TAL1: variants seen among roughly 807,000 people sequenced by gnomAD.
TAL1 encodes TAL bHLH transcription factor 1, erythroid differentiation factor, also known as T-cell acute lymphocytic leukemia protein 1.
In TAL1, 8 loss-of-function variants were observed where a neutral mutation model predicts 17.9. The ratio of observed to expected loss-of-function variants is 0.45; its 90% CI spans 0.26 to 0.81. The LOEUF (loss-of-function observed/expected upper bound fraction) is 0.81, where lower values mean the gene tolerates loss of function less well. TAL1 is among the 30% of genes least tolerant of loss of function. The probability of loss-of-function intolerance (pLI) is 0.17; values close to 1 mark genes in which losing one functional copy is unlikely to be tolerated. For missense variants in TAL1, 466 were observed against 486.9 expected (o/e 0.96, Z 0.40); for synonymous variants, 223 against 218.6 (o/e 1.02, Z -0.18).
At chr1:47,218,264 C>T (rs1195044454) in exon 4 of TAL1, 1 of 232,994 alleles carries the variant, frequency 4.3e-6, no homozygotes, top group Non-Finnish European at 8.5e-6. Flanking sequence ...GTCCCATGGG[C>T]TTAGATGCAG....
exon 3 of TAL1, chr1:47,224,061 T>C (rs778581414): frequency 3.1e-6 from 5 of 1,613,662 alleles, no homozygotes; most frequent in South Asian, 1.1e-5. Context: ...TTGTTGGTGG[T>C]GAACATAGGG....
intron 1 of TAL1, chr1:47,228,691 C>T (rs554513736): frequency 6.0e-5 from 10 of 167,948 alleles, no homozygotes; most frequent in Non-Finnish European, 1.3e-4. Flanking sequence ...CCTGGAGAAG[C>T]CCCAAGCCTG....
At chr1:47,225,364 T>G (rs533306178) in intron 2 of TAL1, 79 bp downstream of exon 3, 63 of 1,158,000 alleles carry the variant, frequency 5.4e-5, no homozygotes, top group East Asian at 2.3e-4. Context: ...CCGCCGCCGA[T>G]GTGTAGAAGG....
At chr1:47,220,028 G>A in exon 4 of TAL1, 1 of 1,613,768 alleles carries the variant, frequency 6.2e-7, no homozygotes, top group Non-Finnish European at 8.5e-7. Flanking sequence ...ATGGCCAGGC[G>A]GAGGATCTCA....
chr1:47,219,994 T>C (rs750736061), exon 4 of TAL1: 2 of 1,601,004 alleles, frequency 1.2e-6, no homozygotes, highest in Admixed American at 3.4e-5. Flanking sequence ...ATTGAGCAGC[T>C]TGGCCAAGAA....
At chr1:47,217,292 G>A (rs993848820) in exon 4 of TAL1, 2 of 383,954 alleles carry the variant, frequency 5.2e-6, no homozygotes, top group Non-Finnish European at 9.2e-6. Context: ...GGAGGCTGAG[G>A]TGAGAGGATT....
rs372263365 is a variant in TAL1 at position 47,224,112 on chromosome 1, C to T, written c.447-14G>A. The T allele has an allele frequency of 1.2e-5, 19 of 1,612,254 alleles. No individual in the cohort carries two copies. Among genetic ancestry groups the T allele is most frequent in the African/African-American group, 9.3e-5 (7 of 74,932 alleles). On this transcript the variant is annotated splice_polypyrimidine_tract_variant and intron_variant, in intron 2 of 3. Coordinates refer to ENST00000294339, the Ensembl canonical transcript of TAL1. ...CCAAAGAACCCGCTGTGGGAGGGAACGGGCAGATCACAAGATCCCATGTTG... is the reference window on the plus strand; with the variant it reads ...CCAAAGAACCCGCTGTGGGAGGGAATGGGCAGATCACAAGATCCCATGTTG...
chr1:47,225,415 C>T, intron 2 of TAL1, 28 bp downstream of exon 3: 1 of 1,202,476 alleles, frequency 8.3e-7, no homozygotes, highest in Non-Finnish European at 1.0e-6. Context: ...CCCGCCCAGC[C>T]CCTGGCCCCT....
intron 1 of TAL1, chr1:47,228,651 C>T (rs1321915361): frequency 5.9e-6 from 1 of 170,750 alleles, no homozygotes; most frequent in Non-Finnish European, 1.3e-5. Flanking sequence ...AGCCTCTGGT[C>T]TCTCTTCTGG....
At chr1:47,231,561 A>C (rs1467100806), upstream of TAL1, 1 of 233,890 alleles carries the variant, frequency 4.3e-6, no homozygotes, top group Non-Finnish European at 8.4e-6. Flanking sequence ...GCAGCGGCTC[A>C]CGGACACACA....
chr1:47,225,204 T>C (rs1057440431), intron 2 of TAL1, among the ~76,000 whole-genome samples: 68 of 152,104 alleles, frequency 4.5e-4, no homozygotes, highest in Admixed American at 7.2e-4. Context: ...CACACAGCCA[T>C]GCACCCCGCA....
At chr1:47,230,430 A>C (rs1201329135), upstream of TAL1, 1 of 152,192 alleles carries the variant, frequency 6.6e-6, no homozygotes, top group Non-Finnish European at 1.5e-5. Context: ...CCTGGATTGC[A>C]ATACAATGCG....
At chr1:47,232,037 C>T (rs1644024563), upstream of TAL1, 4 of 230,372 alleles carry the variant, frequency 1.7e-5, no homozygotes, top group African/African-American at 2.2e-5. Context: ...CCCCGGCCAT[C>T]GAAAGGAACC....
chr1:47,220,828 C>T (rs930573608), intron 3 of TAL1, among the ~76,000 whole-genome samples: 4 of 152,202 alleles, frequency 2.6e-5, no homozygotes, highest in Admixed American at 1.3e-4. Flanking sequence ...AAATTGAGTG[C>T]CTGCCCTCAT....
chr1:47,222,580 A>G (rs1052029549), intron 3 of TAL1, among the ~76,000 whole-genome samples: 5 of 152,036 alleles, frequency 3.3e-5, no homozygotes, highest in Admixed American at 6.5e-5. Flanking sequence ...TTTGGGTTCA[A>G]TCTCTAATTT....
chr1:47,219,791 C>A lies in TAL1; in HGVS notation c.925G>T (p.Ala309Ser), dbSNP rs143072042. ...AGGCTGCGGGCCGTGTGCTTGGGCG[C>A]GGGCTCCTCCGTGTAGCTGTCCGGG... The change falls in exon 4 of 4, where the codon GCG (alanine) becomes TCG (serine). Residue 309 changes from alanine to serine, a missense_variant. Physicochemically the swap from Ala to Ser is moderately conservative, Grantham distance 99. Around this residue, in one of 5 missense-constraint regions of TAL1, gnomAD observed 134 missense variants for 122.0 expected, o/e 1.10. Coordinates refer to ENST00000294339, the Ensembl canonical transcript of TAL1. 4.7e-4 allele frequency: 762 copies of A among 1,611,664 alleles called. 1 individual carries two copies. The highest frequency in any genetic ancestry group is 5.3e-4 in the Non-Finnish European group (628 of 1,179,706).
chr1:47,225,824 G>T, exon 2 of TAL1: 1 of 1,582,604 alleles, frequency 6.3e-7, no homozygotes, highest in East Asian at 2.4e-5. Context: ...GCTGGCCTCG[G>T]CCGCGTCCCG....
upstream of TAL1, chr1:47,230,005 C>T (rs774592706): frequency 3.9e-5 from 6 of 152,158 alleles, no homozygotes; most frequent in South Asian, 2.1e-4. Flanking sequence ...TCTCGTCTCC[C>T]TACTGATTAA....
At chr1:47,229,156 A>T (rs1643962532) in intron 1 of TAL1, 40 bp downstream of exon 2, 1 of 151,446 alleles carries the variant, frequency 6.6e-6, no homozygotes, top group Non-Finnish European at 1.4e-5. Flanking sequence ...AGGCCTTCCT[A>T]GACACCGTTT....
Sources: gnomAD v4.1 joint callset for allele counts (sites outside exome capture counted in the v4.1 genomes callset) on GRCh38, gnomAD v4.1.1 for gene constraint, gnomAD v4.1.1 regional missense constraint, MANE v1.5 for transcripts, NCBI Gene and HGNC (gene_info 2026-07-23, HGNC 2026-07-21) for gene names.